Variants in ZNF487 observed in about 807,000 individuals in gnomAD.
ZNF487 encodes the protein KRAB domain only 1.
ZNF487 carries 4 observed loss-of-function variants against 3.0 expected under a neutral mutation model. The ratio of observed to expected loss-of-function variants is 1.35; its 90% CI spans 0.66 to 3.08. The LOEUF is 3.08. ZNF487 is among the 30% of genes most tolerant of loss of function. ZNF487 has a pLI of 0.01. For synonymous variants in ZNF487, 55 were observed against 34.6 expected (o/e 1.59, Z -2.06); for missense variants, 146 against 98.7 (o/e 1.48, Z -2.03).
At chr10:43,474,699 C>T (rs1024580103) in intron 1 of ZNF487, among the ~76,000 whole-genome samples, 2 of 152,024 alleles carry the variant, frequency 1.3e-5, no homozygotes, top group African/African-American at 4.8e-5. Flanking sequence ...TCTCCTGTCT[C>T]AGCCTCCCCA....
In ZNF487 at chr10:43,457,655, A is replaced by AC. The variant is rs547064472; in HGVS notation, c.-93-18065dup. Among the ~76,000 whole-genome samples the AC allele has an allele frequency of 1.5e-4, 23 of 151,528 alleles. 2 individuals carry two copies. The East Asian group carries it at 4.4e-3, about 29-fold the overall frequency. On this transcript the variant is annotated intron_variant, in intron 1 of 3. Transcript: ENST00000437590. ...CAGTGAGCCGAGATCACACCACTGC[A>AC]CTCCAGCCTGGGCAACAGAGGGAGA...
the ZNF487 span, among the ~76,000 whole-genome samples, chr10:43,488,998 G>A: frequency 2.0e-5 from 3 of 152,002 alleles, no homozygotes; most frequent in African/African-American, 4.8e-5. Context: ...TGGCCTATGC[G>A]TGTAGTCCTG....
intron 1 of ZNF487, among the ~76,000 whole-genome samples, chr10:43,446,252 G>A (rs1373892828): frequency 1.3e-5 from 2 of 151,722 alleles, no homozygotes; most frequent in Non-Finnish European, 2.9e-5. Context: ...CAGACGTGGC[G>A]GCCAGGCAGA....
Position 43,443,498 on chromosome 10 carries a change from C to G in ZNF487, c.-94+6236C>G, listed in dbSNP as rs1306379337. ...AAGAGATTCTCCTGCCTCAGCCTCC[C>G]AAGTAGCTGGGATTACAGGCACATG... is the stretch of plus-strand genomic sequence containing the variant. On this transcript the variant is annotated intron_variant, in intron 1 of 3. Transcript: ENST00000437590. Among the ~76,000 whole-genome samples the G allele has an allele frequency of 4.0e-5, 6 of 151,180 alleles. No individual in the cohort carries two copies. In the East Asian group the frequency reaches 1.2e-3, roughly 30 times the overall value.
chr10:43,459,437 C>T (rs976865713), intron 1 of ZNF487, among the ~76,000 whole-genome samples: 9 of 151,974 alleles, frequency 5.9e-5, no homozygotes, highest in Non-Finnish European at 1.3e-4. Flanking sequence ...GCCATGTTGG[C>T]CAGGCTGGTC....
At chr10:43,460,780 C>T (rs1840404244) in intron 1 of ZNF487, among the ~76,000 whole-genome samples, 2 of 151,600 alleles carry the variant, frequency 1.3e-5, no homozygotes. Context: ...GCAACCTTTG[C>T]CTCCCGAGTT....
chr10:43,519,531 G>A, the ZNF487 span, among the ~76,000 whole-genome samples: 14 of 150,472 alleles, frequency 9.3e-5, no homozygotes, highest in African/African-American at 2.7e-4. Flanking sequence ...GCACTGGTGC[G>A]ATCTTGGCTC....
rs145503987 is a variant in ZNF487 at position 43,473,807 on chromosome 10, C to A, written c.-93-1914C>A. ...TGGGAGGCTTGAGGTGGGAGGATCA[C>A]TTGAGCCCAGGAGTTTGAGACCAAC... On this transcript the variant is annotated intron_variant, in intron 1 of 3. Coordinates refer to ENST00000437590, the MANE Select transcript of ZNF487 (RefSeq NM_001355444.3). Among the ~76,000 whole-genome samples the A allele has an allele frequency of 3.1e-3, 474 of 152,224 alleles. 3 individuals carry two copies. The highest frequency in any genetic ancestry group is 9.1e-3 in the African/African-American group (379 of 41,516).
At chr10:43,475,604 A>G in intron 1 of ZNF487, 117 bp from the exon 2 acceptor site, 1 of 690,296 alleles carries the variant, frequency 1.4e-6, no homozygotes, top group Non-Finnish European at 2.7e-6. Context: ...TAGGCATCCT[A>G]TGTAGCATTT....
At chr10:43,472,258 A>T (rs1156574143) in intron 1 of ZNF487, among the ~76,000 whole-genome samples, 1 of 152,074 alleles carries the variant, frequency 6.6e-6, no homozygotes, top group African/African-American at 2.4e-5. Context: ...TATAGACCCA[A>T]GCTCAACATG....
chr10:43,484,346 C>T (rs763075670), downstream of ZNF487, among the ~76,000 whole-genome samples: 1 of 152,008 alleles, frequency 6.6e-6, no homozygotes, highest in Non-Finnish European at 1.5e-5. Flanking sequence ...GTGGCTCACA[C>T]CTGTAATCCC....
intron 1 of ZNF487, among the ~76,000 whole-genome samples, chr10:43,462,824 C>T (rs1840481720): frequency 6.6e-6 from 1 of 151,020 alleles, no homozygotes; most frequent in African/African-American, 2.4e-5. Context: ...GGCTGGAGTG[C>T]AGTGGCATGA....
At chr10:43,509,712 G>T in the ZNF487 span, among the ~76,000 whole-genome samples, 2 of 151,770 alleles carry the variant, frequency 1.3e-5, no homozygotes, top group Non-Finnish European at 2.9e-5. Flanking sequence ...TTCTAGCCTC[G>T]CTGTCAGCTG....
At chr10:43,473,931 A>T (rs925368013) in intron 1 of ZNF487, among the ~76,000 whole-genome samples, 1 of 151,826 alleles carries the variant, frequency 6.6e-6, no homozygotes. Flanking sequence ...AGGCTGAGGC[A>T]AGCAGATTGC....
At chr10:43,506,127 G>A in the ZNF487 span, among the ~76,000 whole-genome samples, 1 of 152,088 alleles carries the variant, frequency 6.6e-6, no homozygotes, top group Non-Finnish European at 1.5e-5. Context: ...TTCTTGTCAG[G>A]AACATTTACT....
the ZNF487 span, among the ~76,000 whole-genome samples, chr10:43,502,296 A>T: frequency 3.2e-4 from 48 of 151,334 alleles, no homozygotes; most frequent in African/African-American, 1.2e-3. Flanking sequence ...AAAACCAAAC[A>T]CCGCATATTC....
chr10:43,480,519 G>A (rs1320325353), intron 3 of ZNF487, among the ~76,000 whole-genome samples: 4 of 150,312 alleles, frequency 2.7e-5, no homozygotes, highest in East Asian at 2.0e-4. Context: ...GGGTTCAAGC[G>A]ATTCTCCTGC....
chr10:43,498,833 T>A, the ZNF487 span, among the ~76,000 whole-genome samples: 4 of 150,646 alleles, frequency 2.7e-5, no homozygotes, highest in African/African-American at 9.8e-5. Flanking sequence ...TCCCAGCAAC[T>A]CGGGAGGTTG....
chr10:43,449,194 G>A (rs1026785792), intron 1 of ZNF487, among the ~76,000 whole-genome samples: 2 of 151,950 alleles, frequency 1.3e-5, no homozygotes. Context: ...AGCTACTTTG[G>A]AGGCTGAGGC....
Sources: gnomAD v4.1 joint callset for allele counts (sites outside exome capture counted in the v4.1 genomes callset) on GRCh38, gnomAD v4.1.1 for gene constraint, MANE v1.5 for transcripts, NCBI Gene and HGNC (gene_info 2026-07-23, HGNC 2026-07-21) for gene names.